SLC24A2: variants seen among roughly 807,000 people sequenced by gnomAD.
SLC24A2 encodes sodium/potassium/calcium exchanger 2.
In SLC24A2, 36 loss-of-function variants were observed where a neutral mutation model predicts 62.0. The observed-to-expected ratio is 0.58, with a 90% CI of 0.44 to 0.77. The LOEUF (loss-of-function observed/expected upper bound fraction) is 0.77, where lower values mean the gene tolerates loss of function less well. Among genes scored for constraint, SLC24A2 ranks in the 30% least tolerant of loss-of-function variants. SLC24A2 has a pLI of 0.00. For synonymous variants in SLC24A2, 358 were observed against 294.0 expected (o/e 1.22, Z -2.23); for missense variants, 846 against 817.9 (o/e 1.03, Z -0.42).
chr9:20,131,453 A>C, the SLC24A2 span, among the ~76,000 whole-genome samples: 1 of 152,110 alleles, frequency 6.6e-6, no homozygotes, highest in Non-Finnish European at 1.5e-5. Flanking sequence ...ACTCCTTCAC[A>C]CTTCAGATTC....
the SLC24A2 span, among the ~76,000 whole-genome samples, chr9:20,026,900 GAA>G: frequency 6.6e-6 from 1 of 152,080 alleles, no homozygotes; most frequent in South Asian, 2.1e-4. Context: ...CAGAATGAGA[GAA>G]AATATTTGCA....
intron 7 of SLC24A2, 80 bp downstream of exon 7, chr9:19,573,271 G>T: frequency 1.0e-6 from 1 of 958,894 alleles, no homozygotes; most frequent in South Asian, 1.3e-5. Flanking sequence ...GGCTTCCAAG[G>T]AGAATATAGG....
chr9:19,569,584 A>C (rs1835781283), intron 7 of SLC24A2, among the ~76,000 whole-genome samples: 1 of 152,166 alleles, frequency 6.6e-6, no homozygotes. Flanking sequence ...CAAGGCCTGC[A>C]ACAACCTCTT....
chr9:19,775,239 A>T (rs2118907076), intron 2 of SLC24A2, among the ~76,000 whole-genome samples: 1 of 152,338 alleles, frequency 6.6e-6, no homozygotes, highest in Non-Finnish European at 1.5e-5. Flanking sequence ...TAAAAAGGAA[A>T]CCCACCTAAT....
At chr9:19,687,489 C>T (rs1336976882) in intron 2 of SLC24A2, among the ~76,000 whole-genome samples, 1 of 151,980 alleles carries the variant, frequency 6.6e-6, no homozygotes, top group Non-Finnish European at 1.5e-5. Flanking sequence ...TTGGGTGGTC[C>T]CACATATCAG....
chr9:19,920,062 T>C, the SLC24A2 span, among the ~76,000 whole-genome samples: 475 of 152,330 alleles, frequency 3.1e-3, 2 homozygotes, highest in Non-Finnish European at 5.3e-3. Flanking sequence ...ATTTGTGTTA[T>C]TACCTTTTAG....
At chr9:20,190,321 G>A in the SLC24A2 span, among the ~76,000 whole-genome samples, 1 of 152,088 alleles carries the variant, frequency 6.6e-6, no homozygotes, top group South Asian at 2.1e-4. Context: ...TCCTTTTAGG[G>A]CCCATCCTCC....
Position 19,636,322 on chromosome 9 carries a change from T to TCCTTTTCTTTC in SLC24A2, c.931-14024_931-14023insGAAAGAAAAGG, listed in dbSNP as rs1554690373. Among the ~76,000 whole-genome samples, 214 of 30,552 alleles carry TCCTTTTCTTTC rather than the reference T, an allele frequency of 7.0e-3. 22 individuals carry two copies. Among genetic ancestry groups the TCCTTTTCTTTC allele is most frequent in the African/African-American group, 0.024 (202 of 8,252 alleles). 20.0% of individuals were successfully genotyped at this position (30,552 alleles called of 152,430 possible). On this transcript the variant is annotated intron_variant, in intron 2 of 10. Transcript: ENST00000341998. Reference sequence around the variant, plus strand: ...TTCTTTTCTTTTCTTTTCTTTTCTTTCTTTCTTTCTTTCTTTCTTTCTTTC... The same window carrying TCCTTTTCTTTC: ...TTCTTTTCTTTTCTTTTCTTTTCTTTCCTTTTCTTTCCTTTCTTTCTTTCTTTCTTTCTTTC...
chr9:20,026,133 C>T, the SLC24A2 span, among the ~76,000 whole-genome samples: 1 of 152,084 alleles, frequency 6.6e-6, no homozygotes, highest in Non-Finnish European at 1.5e-5. Flanking sequence ...TCTATTCTAT[C>T]AGGCTGTTTT....
At chr9:19,639,013 G>A (rs1818426098) in intron 2 of SLC24A2, among the ~76,000 whole-genome samples, 1 of 152,182 alleles carries the variant, frequency 6.6e-6, no homozygotes, top group Admixed American at 6.5e-5. Context: ...ATGAAGAACA[G>A]AGCAAGTCAA....
the SLC24A2 span, among the ~76,000 whole-genome samples, chr9:19,852,512 G>T: frequency 6.6e-6 from 1 of 152,042 alleles, no homozygotes; most frequent in African/African-American, 2.4e-5. Context: ...TATAAGGAAG[G>T]GGTGCACTTT....
At chr9:20,106,021 C>G in the SLC24A2 span, among the ~76,000 whole-genome samples, 1 of 152,094 alleles carries the variant, frequency 6.6e-6, no homozygotes, top group African/African-American at 2.4e-5. Flanking sequence ...GGAATATCAC[C>G]ACTGATCCCA....
At chr9:19,616,796 A>G (rs936804694) in intron 4 of SLC24A2, among the ~76,000 whole-genome samples, 1 of 152,078 alleles carries the variant, frequency 6.6e-6, no homozygotes, top group African/African-American at 2.4e-5. Flanking sequence ...TTAAAGGTTC[A>G]TTGGCAGATG....
chr9:19,720,920 C>A (rs1406717007), intron 2 of SLC24A2, among the ~76,000 whole-genome samples: 5 of 141,928 alleles, frequency 3.5e-5, no homozygotes, highest in African/African-American at 5.3e-5. Flanking sequence ...CACATATTTC[C>A]TTGATGTTAA....
chr9:19,873,552 TTCTC>T, the SLC24A2 span, among the ~76,000 whole-genome samples: 86 of 149,580 alleles, frequency 5.7e-4, no homozygotes, highest in Middle Eastern at 3.4e-3. Context: ...CTTTCTTTCT[TTCTC>T]TCTCTCTCTT....
At chr9:20,109,966 T>C in the SLC24A2 span, among the ~76,000 whole-genome samples, 3 of 152,216 alleles carry the variant, frequency 2.0e-5, no homozygotes, top group South Asian at 2.1e-4. Context: ...TATGCAGTTA[T>C]TGTCTTCTTT....
intron 2 of SLC24A2, among the ~76,000 whole-genome samples, chr9:19,693,000 A>C (rs532059832): frequency 6.6e-6 from 1 of 152,164 alleles, no homozygotes; most frequent in East Asian, 1.9e-4. Flanking sequence ...TCTGTCCATA[A>C]AATGGGGACA....
chr9:19,711,061 A>G (rs1367925656), intron 2 of SLC24A2, among the ~76,000 whole-genome samples: 1 of 152,246 alleles, frequency 6.6e-6, no homozygotes, highest in South Asian at 2.1e-4. Flanking sequence ...ATTTTCTAGA[A>G]GCAAAATAAC....
intron 2 of SLC24A2, among the ~76,000 whole-genome samples, chr9:19,770,052 C>A (rs942803957): frequency 3.3e-5 from 5 of 150,866 alleles, no homozygotes; most frequent in African/African-American, 1.2e-4. Flanking sequence ...TTAGAAGAAG[C>A]AAATGCAGTC....
Sources: gnomAD v4.1 joint callset for allele counts (sites outside exome capture counted in the v4.1 genomes callset) on GRCh38, gnomAD v4.1.1 for gene constraint, MANE v1.5 for transcripts, NCBI Gene and HGNC (gene_info 2026-07-23, HGNC 2026-07-21) for gene names.